Variants in KCTD8 observed in about 807,000 individuals in gnomAD.
The protein encoded by KCTD8 is potassium channel tetramerization domain containing 8.
Under a neutral mutation model 31.5 loss-of-function variants are expected in KCTD8, and 27 were observed. The ratio of observed to expected loss-of-function variants is 0.86; its 90% CI spans 0.63 to 1.18. The LOEUF (loss-of-function observed/expected upper bound fraction) is 1.18, where lower values mean the gene tolerates loss of function less well. KCTD8 is among the 50% of genes most tolerant of loss of function. KCTD8 has a pLI of 0.00. For synonymous variants in KCTD8, 290 were observed against 280.0 expected, an observed-to-expected ratio of 1.04 and a Z score of -0.36; for missense variants, 658 against 647.7, an observed-to-expected ratio of 1.02 and a Z score of -0.17.
At chr4:44,237,553 C>A (rs931798066) in intron 1 of KCTD8, among the ~76,000 whole-genome samples, 1 of 152,140 alleles carries the variant, frequency 6.6e-6, no homozygotes, top group East Asian at 1.9e-4. Flanking sequence ...CTTGGATAGA[C>A]CAATAATAAA....
intron 1 of KCTD8, among the ~76,000 whole-genome samples, chr4:44,431,599 A>T (rs571994919): frequency 2.6e-5 from 4 of 151,598 alleles, no homozygotes; most frequent in South Asian, 2.1e-4. Context: ...AACAAAAAAA[A>T]CCTTACTCTA....
intron 1 of KCTD8, among the ~76,000 whole-genome samples, chr4:44,323,504 C>A (rs1310177046): frequency 3.1e-5 from 4 of 130,310 alleles, no homozygotes; most frequent in South Asian, 3.1e-4. Flanking sequence ...CCACCCACCC[C>A]CCCCCAAAAA....
At chr4:44,318,256 A>T (rs1307770338) in intron 1 of KCTD8, among the ~76,000 whole-genome samples, 2 of 151,898 alleles carry the variant, frequency 1.3e-5, no homozygotes, top group African/African-American at 2.4e-5. Context: ...TCTTTTAGAG[A>T]TAGGGTATCA....
chr4:44,431,364 AT>A (rs757787596), intron 1 of KCTD8, among the ~76,000 whole-genome samples: 4 of 151,572 alleles, frequency 2.6e-5, no homozygotes, highest in Non-Finnish European at 5.9e-5. Flanking sequence ...TATCTTTAAT[AT>A]TTGCTATTAT....
intron 1 of KCTD8, among the ~76,000 whole-genome samples, chr4:44,207,188 T>TG (rs1467399517): frequency 1.3e-5 from 2 of 152,212 alleles, no homozygotes; most frequent in East Asian, 3.9e-4. Context: ...TACAAGGCAT[T>TG]GTGCCTGCAC....
chr4:44,239,540 G>A (rs746959481), intron 1 of KCTD8, among the ~76,000 whole-genome samples: 1 of 152,180 alleles, frequency 6.6e-6, no homozygotes, highest in Non-Finnish European at 1.5e-5. Flanking sequence ...GCAGGGTGCT[G>A]TGTAAGACTT....
chr4:44,258,840 C>T (rs890168630), intron 1 of KCTD8, among the ~76,000 whole-genome samples: 1 of 151,732 alleles, frequency 6.6e-6, no homozygotes, highest in Non-Finnish European at 1.5e-5. Context: ...AAAAAACCAC[C>T]ACTTAAGAAC....
chr4:44,257,915 GC>G (rs1716035939), intron 1 of KCTD8, among the ~76,000 whole-genome samples: 1 of 151,948 alleles, frequency 6.6e-6, no homozygotes, highest in African/African-American at 2.4e-5. Context: ...ACCTAGACAG[GC>G]TGATGATATT....
chr4:44,401,851 A>G (rs115936341), intron 1 of KCTD8, among the ~76,000 whole-genome samples: 7 of 152,294 alleles, frequency 4.6e-5, no homozygotes, highest in Non-Finnish European at 5.9e-5. Flanking sequence ...TCCTTCAGAA[A>G]CTACCATATT....
At chr4:44,336,410 A>G (rs1718746278) in intron 1 of KCTD8, among the ~76,000 whole-genome samples, 1 of 151,760 alleles carries the variant, frequency 6.6e-6, no homozygotes, top group Non-Finnish European at 1.5e-5. Flanking sequence ...TTAGAAAATC[A>G]AGAATAAATT....
At chr4:44,299,274 C>G (rs1717533499) in intron 1 of KCTD8, among the ~76,000 whole-genome samples, 2 of 152,136 alleles carry the variant, frequency 1.3e-5, no homozygotes, top group Non-Finnish European at 1.5e-5. Context: ...AACACTCTTC[C>G]TCATTTCTTT....
intron 1 of KCTD8, among the ~76,000 whole-genome samples, chr4:44,208,694 G>A (rs2109342525): frequency 6.6e-6 from 1 of 152,216 alleles, no homozygotes; most frequent in South Asian, 2.1e-4. Flanking sequence ...CTCATATACT[G>A]CCCTGCCCTT....
intron 1 of KCTD8, among the ~76,000 whole-genome samples, chr4:44,361,872 C>T (rs4324578): frequency 6.6e-6 from 1 of 151,768 alleles, no homozygotes; most frequent in Non-Finnish European, 1.5e-5. Context: ...CTATTGAGTA[C>T]CTTATAGTCA....
At chr4:44,366,822 C>T (rs1216317749) in intron 1 of KCTD8, among the ~76,000 whole-genome samples, 2 of 152,094 alleles carry the variant, frequency 1.3e-5, no homozygotes, top group African/African-American at 4.8e-5. Flanking sequence ...GAAATCCCAC[C>T]GTATGGCAGG....
intron 1 of KCTD8, among the ~76,000 whole-genome samples, chr4:44,405,626 C>T (rs1361262109): frequency 6.6e-6 from 1 of 151,960 alleles, no homozygotes. Flanking sequence ...TTTAATGTTA[C>T]TCTTCTAATT....
rs112056399 is a variant in KCTD8 at position 44,204,118 on chromosome 4, T to C, written c.962-28868A>G. ...AATAATATAATTACCACAATAGTTC[T>C]AAATAAATTTTGAATATAATCTAAT... On this transcript the variant is annotated intron_variant, in intron 1 of 1. Transcript: ENST00000360029. Among the ~76,000 whole-genome samples the C allele has an allele frequency of 7.2e-3, 1,090 of 152,218 alleles. 11 individuals carry two copies. Among genetic ancestry groups the C allele is most frequent in the African/African-American group, 0.025 (1,038 of 41,554 alleles).
At chr4:44,187,041 C>T (rs1032915234) in intron 1 of KCTD8, among the ~76,000 whole-genome samples, 10 of 151,956 alleles carry the variant, frequency 6.6e-5, no homozygotes, top group Admixed American at 6.6e-5. Flanking sequence ...TGGGGGGAGT[C>T]GAAGATAAAC....
At chr4:44,258,999 A>G (rs989699242) in intron 1 of KCTD8, among the ~76,000 whole-genome samples, 2 of 152,072 alleles carry the variant, frequency 1.3e-5, no homozygotes, top group Admixed American at 6.6e-5. Context: ...CTGTTATTAT[A>G]CCATTTAGGG....
chr4:44,194,385 T>C (rs1043746581), intron 1 of KCTD8, among the ~76,000 whole-genome samples: 1 of 152,200 alleles, frequency 6.6e-6, no homozygotes, highest in African/African-American at 2.4e-5. Context: ...AATGAAACCA[T>C]TATAAGGTAA....
Sources: gnomAD v4.1 joint callset for allele counts (sites outside exome capture counted in the v4.1 genomes callset) on GRCh38, gnomAD v4.1.1 for gene constraint, MANE v1.5 for transcripts, NCBI Gene and HGNC (gene_info 2026-07-23, HGNC 2026-07-21) for gene names.